The following MVB12B variants were observed in gnomAD, a reference collection of about 807,000 sequenced individuals.
MVB12B encodes the protein multivesicular body subunit 12B.
Under a neutral mutation model 41.6 loss-of-function variants are expected in MVB12B, and 16 were observed. The ratio of observed to expected loss-of-function variants is 0.38; its 90% confidence interval spans 0.26 to 0.58. The LOEUF is 0.58. Ranked by LOEUF, MVB12B falls within the 20% of genes least tolerant of loss-of-function variation. MVB12B has a pLI of 0.62. For missense variants in MVB12B, 274 were observed against 380.2 expected, an observed-to-expected ratio of 0.72 and a Z score of 2.32; for synonymous variants, 133 against 139.7, an observed-to-expected ratio of 0.95 and a Z score of 0.34.
At chr9:126,502,057 G>C (rs900207452) in intron 9 of MVB12B, among the ~76,000 whole-genome samples, 3 of 152,218 alleles carry the variant, frequency 2.0e-5, no homozygotes, top group African/African-American at 7.2e-5. Flanking sequence ...ACTTCCACCT[G>C]CTGTCTGCAG....
intron 6 of MVB12B, among the ~76,000 whole-genome samples, chr9:126,404,071 A>G (rs1222956882): frequency 1.4e-4 from 21 of 146,582 alleles, no homozygotes. Context: ...CTCCCACCTC[A>G]GCCTCCCAAG....
At chr9:126,345,778 C>T (rs1434088699) in intron 2 of MVB12B, among the ~76,000 whole-genome samples, 1 of 152,242 alleles carries the variant, frequency 6.6e-6, no homozygotes, top group Non-Finnish European at 1.5e-5. Flanking sequence ...TACCTTTAAA[C>T]CCTCTTTCTT....
At chr9:126,496,096 G>A (rs1478618430) in intron 9 of MVB12B, among the ~76,000 whole-genome samples, 1 of 152,090 alleles carries the variant, frequency 6.6e-6, no homozygotes, top group Non-Finnish European at 1.5e-5. Flanking sequence ...ACCTGCCCAA[G>A]AACTGAGCCC....
In MVB12B at chr9:126,376,380, C is replaced by T. The variant is rs1316171834; in HGVS notation, c.205-4684C>T. On this transcript the variant is annotated intron_variant, in intron 2 of 9. Transcript: ENST00000361171. This position sits in a 1 kb window ranked among gnomAD's most constrained non-coding sequence, Gnocchi z 4.1. ...CAAGCTCCCTTTTTTCTATTTTGGG[C>T]CCTTCTGTCATGTCTGAGCCTGTCC... The T allele has an allele frequency of 1.8e-5, 11 of 599,942 alleles. No homozygotes were observed. The highest frequency in any genetic ancestry group is 2.7e-5 in the Non-Finnish European group (10 of 368,102). The allele number at this position is 599,942 out of a possible 1,614,324, so 37.2% of individuals were successfully genotyped here. A position where few individuals can be genotyped will look rare whatever the true frequency, so the allele number is the denominator to read the frequency against.
rs542882056 is a variant in MVB12B at position 126,344,634 on chromosome 9, C to T, written c.204+4004C>T. 3.9e-5 allele frequency among the ~76,000 whole-genome samples: 6 copies of T among 152,200 alleles called. No homozygotes were observed. In the East Asian group the frequency reaches 5.8e-4, roughly 15 times the overall value. The stretch of plus-strand genomic sequence containing the variant: ...TAGGGGTTGGACACCGCTCTCCCTG[C>T]GTCTCCCCCTCCTCTGTGACCCTCC... On this transcript the variant is annotated intron_variant, in intron 2 of 9. Transcript: ENST00000361171.
chr9:126,366,271 C>T (rs10987257), intron 2 of MVB12B, among the ~76,000 whole-genome samples: 32,796 of 151,746 alleles, frequency 0.22, 3,547 homozygotes, highest in East Asian at 0.27. Flanking sequence ...TTGTCTAACT[C>T]AGTGGCTCTT....
rs1262773013 is a variant in MVB12B at position 126,505,115 on chromosome 9, G to A, written c.*1852G>A. Reference sequence around the variant, plus strand: ...ACTTCTGCCCACTTCATTAGGGTTTGTGAACTTTGTCCTTCACCTCTTTTC... The same window carrying A: ...ACTTCTGCCCACTTCATTAGGGTTTATGAACTTTGTCCTTCACCTCTTTTC... On this transcript the variant is annotated 3_prime_UTR_variant, in exon 10 of 10. Transcript: ENST00000361171. 6.6e-6 allele frequency: 1 copy of A among 152,304 alleles called. No homozygotes were observed. The highest frequency in any genetic ancestry group is 1.5e-5 in the Non-Finnish European group (1 of 68,084). 9.4% of individuals were successfully genotyped at this position (152,304 alleles called of 1,614,324 possible). A position where few individuals can be genotyped will look rare whatever the true frequency, so the allele number is the denominator to read the frequency against.
chr9:126,373,918 TTAA>T (rs1161435785), intron 2 of MVB12B, among the ~76,000 whole-genome samples: 1 of 152,192 alleles, frequency 6.6e-6, no homozygotes, highest in Admixed American at 6.5e-5. Flanking sequence ...CAAACAGTGG[TTAA>T]TGCTTTGCTT....
intron 2 of MVB12B, among the ~76,000 whole-genome samples, chr9:126,372,358 C>T (rs1348616231): frequency 1.3e-5 from 2 of 152,140 alleles, no homozygotes; most frequent in African/African-American, 2.4e-5. Flanking sequence ...TGTATGTAGA[C>T]GCTTGTTTTC....
rs147543819 is a variant in MVB12B, at chr9:126,367,004, C to T, written c.205-14060C>T. Among the ~76,000 whole-genome samples the T allele has an allele frequency of 2.2e-3, 336 of 152,316 alleles. 2 individuals are homozygous for T. The highest frequency in any genetic ancestry group is 7.6e-3 in the African/African-American group (318 of 41,570). ...ACCACCCTTCTTCTGAATGTTCCCA[C>T]GAGACAGAGGCCAGAATCCTTCCAA... On this transcript the variant is annotated intron_variant, in intron 2 of 9. Transcript: ENST00000361171. This position sits in a 1 kb window ranked among gnomAD's most constrained non-coding sequence, Gnocchi z 4.3.
intron 3 of MVB12B, among the ~76,000 whole-genome samples, chr9:126,384,204 G>A (rs529667472): frequency 2.4e-4 from 37 of 152,190 alleles, no homozygotes; most frequent in African/African-American, 8.9e-4. Flanking sequence ...GATTTATTCC[G>A]TGTTCTGAGG....
Position 126,355,371 on chromosome 9 carries a change from T to C in MVB12B, c.204+14741T>C, listed in dbSNP as rs1189228816. On this transcript the variant is annotated intron_variant, in intron 2 of 9. Transcript: ENST00000361171. Reference sequence around the variant, plus strand: ...GATGTGAGGCCCACGTGCATAGAGGTTGTAGTAGATATAACAGCAGCTACA... The same window carrying C: ...GATGTGAGGCCCACGTGCATAGAGGCTGTAGTAGATATAACAGCAGCTACA... Among the ~76,000 whole-genome samples, 5 of 152,196 alleles carry C rather than the reference T, an allele frequency of 3.3e-5. No homozygotes were observed. In the South Asian group the frequency reaches 1.0e-3, roughly 32 times the overall value.
At chr9:126,373,468 C>T (rs1185136039) in intron 2 of MVB12B, among the ~76,000 whole-genome samples, 1 of 152,222 alleles carries the variant, frequency 6.6e-6, no homozygotes, top group Non-Finnish European at 1.5e-5. Context: ...TCTTGTTCAT[C>T]GTGTCAGCCA....
intron 7 of MVB12B, among the ~76,000 whole-genome samples, chr9:126,470,026 C>T (rs1833278140): frequency 6.6e-6 from 1 of 152,076 alleles, no homozygotes; most frequent in African/African-American, 2.4e-5. Flanking sequence ...AACATAAGGC[C>T]CTAGGTACAA....
chr9:126,425,920 A>G (rs944284358), intron 7 of MVB12B, among the ~76,000 whole-genome samples: 3 of 152,234 alleles, frequency 2.0e-5, no homozygotes, highest in Non-Finnish European at 4.4e-5. Context: ...CCATGGCCCA[A>G]TCCCATCCAG....
chr9:126,465,218 T>G (rs1266949481), intron 7 of MVB12B, among the ~76,000 whole-genome samples: 1 of 152,192 alleles, frequency 6.6e-6, no homozygotes, highest in African/African-American at 2.4e-5. Flanking sequence ...AATACATATT[T>G]AATACTTGGG....
At chr9:126,435,142 G>A (rs550652463) in intron 7 of MVB12B, among the ~76,000 whole-genome samples, 1 of 151,528 alleles carries the variant, frequency 6.6e-6, no homozygotes, top group Non-Finnish European at 1.5e-5. Context: ...TAAAGATAAT[G>A]TACATGAAAT....
intron 7 of MVB12B, among the ~76,000 whole-genome samples, chr9:126,427,268 G>A (rs972087292): frequency 1.3e-5 from 2 of 152,178 alleles, no homozygotes; most frequent in African/African-American, 2.4e-5. Flanking sequence ...TAAAATGTCT[G>A]AAAGTTGAGT....
intron 6 of MVB12B, among the ~76,000 whole-genome samples, chr9:126,419,240 T>C (rs1191397607): frequency 1.3e-5 from 2 of 152,190 alleles, no homozygotes; most frequent in African/African-American, 4.8e-5. Flanking sequence ...AATCTTAGTC[T>C]GGCAGCCATG....
Sources: gnomAD v4.1 joint callset for allele counts (sites outside exome capture counted in the v4.1 genomes callset) on GRCh38, gnomAD v4.1.1 for gene constraint, Gnocchi (gnomAD v3.1) non-coding constraint, MANE v1.5 for transcripts, NCBI Gene and HGNC (gene_info 2026-07-23, HGNC 2026-07-21) for gene names.